The following ALK variants were observed in gnomAD, a reference collection of about 807,000 sequenced individuals.
ALK encodes the protein ALK receptor tyrosine kinase.
A neutral mutation model predicts 163.1 loss-of-function variants in ALK; 74 were observed. That is an observed-to-expected ratio of 0.45 (90% CI 0.38 to 0.55). The LOEUF (loss-of-function observed/expected upper bound fraction) is 0.55. Among genes scored for constraint, ALK ranks in the 20% least tolerant of loss-of-function variants. The pLI is 0.00. For missense variants in ALK, 2,063 were observed against 2,105.3 expected (o/e 0.98, Z 0.39); for synonymous variants, 960 against 843.2 (o/e 1.14, Z -2.40).
chr2:29,504,559 A>T (rs1672264965), intron 4 of ALK, among the ~76,000 whole-genome samples: 1 of 151,992 alleles, frequency 6.6e-6, no homozygotes, highest in Admixed American at 6.6e-5. Context: ...GTAAGTGTAT[A>T]TTTTGGAGAT....
chr2:29,416,979 C>CTTTTT (rs751862066), intron 4 of ALK, among the ~76,000 whole-genome samples: 4 of 77,664 alleles, frequency 5.2e-5, no homozygotes, highest in African/African-American at 5.5e-5. Context: ...ATGTTTGATG[C>CTTTTT]TTTTTTTTTT....
chr2:29,853,665 C>T (rs1379654100), intron 1 of ALK, among the ~76,000 whole-genome samples: 7 of 152,210 alleles, frequency 4.6e-5, no homozygotes, highest in Admixed American at 4.6e-4. Context: ...ACTCAAACCT[C>T]ATCAAAGACT....
rs138870795 is a variant in ALK, at chr2:29,691,851, T to C, written c.952+2999A>G. 3.6e-3 allele frequency among the ~76,000 whole-genome samples: 552 copies of C among 152,332 alleles called. 4 individuals carry two copies. Among genetic ancestry groups the C allele is most frequent in the African/African-American group, 0.013 (522 of 41,558 alleles). On this transcript the variant is annotated intron_variant, in intron 3 of 28. Coordinates refer to ENST00000389048, the MANE Select transcript of ALK (RefSeq NM_004304.5). ...AAAGCACAAACTTTCAAAGTTATCA[T>C]GTGTGACTCAGTAACATCTGTGGAA... is the stretch of plus-strand genomic sequence containing the variant.
chr2:29,815,047 T>C (rs1389935210), intron 1 of ALK, among the ~76,000 whole-genome samples: 1 of 148,098 alleles, frequency 6.8e-6, no homozygotes, highest in Non-Finnish European at 1.5e-5. Context: ...GCATCTAGTA[T>C]GGTGCGGGCC....
At chr2:29,688,816 C>A (rs1378473845) in intron 3 of ALK, among the ~76,000 whole-genome samples, 1 of 152,126 alleles carries the variant, frequency 6.6e-6, no homozygotes, top group Admixed American at 6.5e-5. Flanking sequence ...AAGAGGTTTG[C>A]TAAAGGTTGT....
intron 3 of ALK, among the ~76,000 whole-genome samples, chr2:29,562,921 T>C (rs555651553): frequency 5.3e-5 from 8 of 152,256 alleles, no homozygotes; most frequent in Admixed American, 2.6e-4. Flanking sequence ...TTTGGGGAAA[T>C]GATTTGTTTC....
intron 4 of ALK, among the ~76,000 whole-genome samples, chr2:29,504,574 T>A (rs1672265382): frequency 6.6e-6 from 1 of 151,734 alleles, no homozygotes; most frequent in African/African-American, 2.4e-5. Context: ...GGAGATGGAA[T>A]TGACAGGGTT....
chr2:29,309,889 A>T (rs1334996519), intron 8 of ALK, among the ~76,000 whole-genome samples: 1 of 152,176 alleles, frequency 6.6e-6, no homozygotes, highest in Non-Finnish European at 1.5e-5. Flanking sequence ...ATCAGAACAC[A>T]AGCAGTGGCT....
intron 1 of ALK, among the ~76,000 whole-genome samples, chr2:29,882,185 G>A (rs1049419265): frequency 1.3e-5 from 2 of 152,188 alleles, no homozygotes; most frequent in Admixed American, 6.5e-5. Context: ...AACAAATCTC[G>A]AGGGATTTGA....
At chr2:29,727,113 C>A (rs998847488) in intron 1 of ALK, among the ~76,000 whole-genome samples, 2 of 152,228 alleles carry the variant, frequency 1.3e-5, no homozygotes, top group South Asian at 2.1e-4. Flanking sequence ...GAAACACACA[C>A]CTTCCATCAG....
At chr2:29,377,461 T>G (rs1668783246) in intron 5 of ALK, among the ~76,000 whole-genome samples, 1 of 116,646 alleles carries the variant, frequency 8.6e-6, no homozygotes, top group Non-Finnish European at 1.7e-5. Context: ...GGCAACAGAG[T>G]GAGACTACAT....
At chr2:29,818,641 T>C (rs1285069823) in intron 1 of ALK, among the ~76,000 whole-genome samples, 1 of 152,260 alleles carries the variant, frequency 6.6e-6, no homozygotes, top group African/African-American at 2.4e-5. Flanking sequence ...ATCAAACTTT[T>C]CTGTCCACCG....
At chr2:29,895,309 G>T (rs1227340940) in intron 1 of ALK, among the ~76,000 whole-genome samples, 1 of 152,190 alleles carries the variant, frequency 6.6e-6, no homozygotes, top group Non-Finnish European at 1.5e-5. Flanking sequence ...ACACTGCAGT[G>T]CACTGGGATT....
intron 3 of ALK, among the ~76,000 whole-genome samples, chr2:29,617,130 G>A (rs547374214): frequency 2.0e-5 from 3 of 152,264 alleles, no homozygotes; most frequent in African/African-American, 7.2e-5. Flanking sequence ...TTCTTGGTTT[G>A]CAAACTGATA....
At chr2:29,791,136 C>A (rs1664175512) in intron 1 of ALK, among the ~76,000 whole-genome samples, 1 of 152,150 alleles carries the variant, frequency 6.6e-6, no homozygotes, top group African/African-American at 2.4e-5. Flanking sequence ...ATCTCTGTAC[C>A]ATATGTAATT....
At chr2:29,552,301 G>T (rs1424917928) in intron 3 of ALK, among the ~76,000 whole-genome samples, 1 of 152,106 alleles carries the variant, frequency 6.6e-6, no homozygotes, top group Non-Finnish European at 1.5e-5. Context: ...AAATGATATT[G>T]CCATGAATGT....
intron 4 of ALK, among the ~76,000 whole-genome samples, chr2:29,396,290 T>C (rs1455816883): frequency 6.6e-6 from 1 of 152,136 alleles, no homozygotes; most frequent in Non-Finnish European, 1.5e-5. Context: ...AATCCTCTAA[T>C]ATGGCAGAGA....
rs562745656 is a variant in ALK, at chr2:29,239,947, C to T, written c.2205-117G>A. 9 of 1,227,318 alleles carry T rather than the reference C, an allele frequency of 7.3e-6. No homozygotes were observed. In the South Asian group the frequency reaches 1.3e-4, roughly 18 times the overall value. 76.0% of individuals were successfully genotyped at this position (1,227,318 alleles called of 1,614,324 possible). A position where few individuals can be genotyped will look rare whatever the true frequency, so the allele number is the denominator to read the frequency against. On this transcript the variant is annotated intron_variant, in intron 12 of 28. Transcript: ENST00000389048. ...TCGCCATCGTGGTCTGAGGGTTCTC[C>T]CCCATATCAGTCCCTGCAGAAAGGG...
At chr2:29,411,796 C>A (rs1174446692) in intron 4 of ALK, among the ~76,000 whole-genome samples, 1 of 152,222 alleles carries the variant, frequency 6.6e-6, no homozygotes, top group Non-Finnish European at 1.5e-5. Context: ...ATGTCATTCT[C>A]ATCCACACCC....
Sources: gnomAD v4.1 joint callset for allele counts (sites outside exome capture counted in the v4.1 genomes callset) on GRCh38, gnomAD v4.1.1 for gene constraint, MANE v1.5 for transcripts, NCBI Gene and HGNC (gene_info 2026-07-23, HGNC 2026-07-21) for gene names.